Variants in PLXDC2 observed in about 807,000 individuals in gnomAD.
PLXDC2 encodes plexin domain containing 2.
PLXDC2 carries 40 observed loss-of-function variants against 68.9 expected under a neutral mutation model. That is an observed-to-expected ratio of 0.58 (90% confidence interval 0.45 to 0.76). The LOEUF is 0.76. Ranked by LOEUF, PLXDC2 falls within the 30% of genes least tolerant of loss-of-function variation. The pLI, the probability that PLXDC2 is intolerant of heterozygous loss-of-function variation, is 0.00. For missense variants in PLXDC2, 644 were observed against 661.9 expected (o/e 0.97, Z 0.30); for synonymous variants, 243 against 234.2 (o/e 1.04, Z -0.34).
At chr10:20,107,110 A>G (rs1833502198) in intron 4 of PLXDC2, among the ~76,000 whole-genome samples, 2 of 149,430 alleles carry the variant, frequency 1.3e-5, no homozygotes, top group Non-Finnish European at 3.0e-5. Flanking sequence ...ACTATAGTAT[A>G]TATCTGTGCT....
At chr10:20,256,296 C>A (rs996144651) in intron 13 of PLXDC2, among the ~76,000 whole-genome samples, 3 of 151,762 alleles carry the variant, frequency 2.0e-5, no homozygotes, top group African/African-American at 7.3e-5. Flanking sequence ...TGACACCTGG[C>A]TAATTTTTGT....
In PLXDC2 at chr10:20,145,500, C is replaced by G. The variant is rs77317257; in HGVS notation, c.664+2083C>G. On this transcript the variant is annotated intron_variant, in intron 5 of 13. Coordinates refer to ENST00000377252, the MANE Select transcript of PLXDC2 (RefSeq NM_032812.9). ...TTTAAATCAGCAAATGTTGAGAGAG[C>G]TATGCTATTACATAATATAAAACTT... 9.7e-3 allele frequency among the ~76,000 whole-genome samples: 1,480 copies of G among 152,252 alleles called. 10 individuals are homozygous for G. Among genetic ancestry groups the G allele is most frequent in the Non-Finnish European group, 0.013 (869 of 67,996 alleles).
intron 2 of PLXDC2, among the ~76,000 whole-genome samples, chr10:20,021,108 ACACATTT>A (rs1835299828): frequency 6.6e-6 from 1 of 152,236 alleles, no homozygotes; most frequent in Non-Finnish European, 1.5e-5. Context: ...ATATTATAAA[ACACATTT>A]TATATCCACA....
intron 9 of PLXDC2, among the ~76,000 whole-genome samples, chr10:20,210,646 G>A (rs1835057181): frequency 6.6e-6 from 1 of 152,112 alleles, no homozygotes. Context: ...TCACTAGAAA[G>A]ACTCGCAGAA....
At chr10:20,189,504 T>TATATATACAC (rs1554773611) in intron 9 of PLXDC2, among the ~76,000 whole-genome samples, 2 of 121,594 alleles carry the variant, frequency 1.6e-5, no homozygotes, top group South Asian at 2.6e-4. Context: ...TATATATATA[T>TATATATACAC]ACACATACAC....
At chr10:20,019,943 G>A (rs1469519158) in intron 2 of PLXDC2, among the ~76,000 whole-genome samples, 1 of 152,000 alleles carries the variant, frequency 6.6e-6, no homozygotes, top group African/African-American at 2.4e-5. Flanking sequence ...CACCTAACCT[G>A]CCAATCTGAT....
At chr10:19,988,612 A>C (rs1834688453) in intron 1 of PLXDC2, among the ~76,000 whole-genome samples, 1 of 152,086 alleles carries the variant, frequency 6.6e-6, no homozygotes, top group Non-Finnish European at 1.5e-5. Context: ...TGTATGGTTT[A>C]GCAAAGATAA....
intron 13 of PLXDC2, among the ~76,000 whole-genome samples, chr10:20,266,365 A>G (rs1289536126): frequency 1.5e-5 from 2 of 136,690 alleles, no homozygotes; most frequent in African/African-American, 2.6e-5. Flanking sequence ...TTGTTGGGGA[A>G]AAAAAAAAAA....
chr10:20,272,845 A>G (rs1011957330), intron 13 of PLXDC2, among the ~76,000 whole-genome samples: 4 of 152,204 alleles, frequency 2.6e-5, no homozygotes, highest in Non-Finnish European at 4.4e-5. Context: ...AGTTAGTCCA[A>G]TGTTATCACT....
chr10:19,881,148 C>T (rs535070747), intron 1 of PLXDC2, among the ~76,000 whole-genome samples: 1 of 151,882 alleles, frequency 6.6e-6, no homozygotes, highest in South Asian at 2.1e-4. Context: ...CGGAATCTTG[C>T]TCTGTCACCC....
intron 2 of PLXDC2, among the ~76,000 whole-genome samples, chr10:20,032,929 T>C (rs1835524253): frequency 6.6e-6 from 1 of 150,394 alleles, no homozygotes; most frequent in African/African-American, 2.4e-5. Context: ...TTTTCTTAGT[T>C]TTAAAAGAAA....
Position 19,991,347 on chromosome 10 carries a change from CTTTT to C in PLXDC2, c.113-10415_113-10412del, listed in dbSNP as rs35216913. Among the ~76,000 whole-genome samples the C allele has an allele frequency of 3.6e-3, 489 of 135,420 alleles. 4 individuals are homozygous for C. The highest frequency in any genetic ancestry group is 0.013 in the African/African-American group (469 of 36,414). 88.8% of individuals were successfully genotyped at this position (135,420 alleles called of 152,430 possible). A position where few individuals can be genotyped will look rare whatever the true frequency, so the allele number is the denominator to read the frequency against. On this transcript the variant is annotated intron_variant, in intron 1 of 13. Transcript: ENST00000377252. ...AAATTTCTATTTCTCATCATTTTCC[CTTTT>C]TTTTTTTTTTTTGGCTTAATGTTCT... is the stretch of plus-strand genomic sequence containing the variant.
intron 9 of PLXDC2, among the ~76,000 whole-genome samples, chr10:20,206,497 T>C (rs1312017034): frequency 1.3e-5 from 2 of 151,742 alleles, no homozygotes; most frequent in South Asian, 2.1e-4. Flanking sequence ...TGTTCAAAGG[T>C]AGAGTCATGA....
At chr10:20,275,441 T>C (rs1291469654) in intron 13 of PLXDC2, among the ~76,000 whole-genome samples, 1 of 152,084 alleles carries the variant, frequency 6.6e-6, no homozygotes, top group African/African-American at 2.4e-5. Flanking sequence ...TTCTGTAGTT[T>C]CCAAAACACA....
chr10:20,007,980 C>G (rs1283966961), intron 2 of PLXDC2, among the ~76,000 whole-genome samples: 7 of 152,162 alleles, frequency 4.6e-5, no homozygotes, highest in Non-Finnish European at 8.8e-5. Context: ...CAAGAATGAT[C>G]AACAAATATG....
intron 12 of PLXDC2, among the ~76,000 whole-genome samples, chr10:20,221,377 A>G (rs975131756): frequency 2.4e-4 from 37 of 152,330 alleles, no homozygotes; most frequent in Admixed American, 2.2e-3. Flanking sequence ...TAGAGAGTCA[A>G]CTGTTGGATT....
intron 4 of PLXDC2, among the ~76,000 whole-genome samples, chr10:20,074,159 T>C (rs1202693903): frequency 6.6e-6 from 1 of 152,160 alleles, no homozygotes; most frequent in Non-Finnish European, 1.5e-5. Context: ...TAAAAGCTAA[T>C]AATGAATGTG....
chr10:20,174,166 G>C (rs946352882), intron 7 of PLXDC2, among the ~76,000 whole-genome samples: 1 of 151,854 alleles, frequency 6.6e-6, no homozygotes, highest in African/African-American at 2.4e-5. Context: ...CCCCCTCCTA[G>C]TGATCTTATG....
At chr10:19,887,980 G>A (rs1001679325) in intron 1 of PLXDC2, among the ~76,000 whole-genome samples, 2 of 152,200 alleles carry the variant, frequency 1.3e-5, no homozygotes, top group African/African-American at 4.8e-5. Context: ...ATTCTGTCAT[G>A]TATAATTTTT....
Sources: allele counts gnomAD v4.1 joint callset (sites outside exome capture counted in the v4.1 genomes callset), GRCh38; gene constraint gnomAD v4.1.1; transcripts MANE v1.5; gene names NCBI Gene and HGNC (gene_info 2026-07-23, HGNC 2026-07-21).